The following SEMA6D variants were observed in gnomAD, a reference collection of about 807,000 sequenced individuals.
SEMA6D encodes the protein semaphorin-6D.
In SEMA6D, 35 loss-of-function variants were observed where a neutral mutation model predicts 106.6. That is an observed-to-expected ratio of 0.33 (90% CI 0.25 to 0.44). SEMA6D has a LOEUF of 0.44. SEMA6D is among the 20% of genes least tolerant of loss of function. The pLI, the probability that SEMA6D is intolerant of heterozygous loss-of-function variation, is 1.00. For missense variants in SEMA6D, 1,185 were observed against 1,345.9 expected, an observed-to-expected ratio of 0.88 and a Z score of 1.87; for synonymous variants, 499 against 487.7, an observed-to-expected ratio of 1.02 and a Z score of -0.31.
intron 1 of SEMA6D, among the ~76,000 whole-genome samples, chr15:47,398,694 G>A (rs2040300397): frequency 6.6e-6 from 1 of 152,186 alleles, no homozygotes; most frequent in South Asian, 2.1e-4. Context: ...AAAAGTAGGA[G>A]AAAGGAAGTG....
chr15:47,717,355 C>G (rs1419056829), upstream of SEMA6D: 1 of 151,980 alleles, frequency 6.6e-6, no homozygotes, highest in Non-Finnish European at 1.5e-5. Flanking sequence ...GCCGGCCGCG[C>G]CTCCTGCCGT....
At chr15:47,678,120 A>T (rs1005821591) in intron 4 of SEMA6D, among the ~76,000 whole-genome samples, 32 of 152,292 alleles carry the variant, frequency 2.1e-4, no homozygotes, top group African/African-American at 7.7e-4. Context: ...CACCACTGGC[A>T]GAGAGAACAT....
intron 1 of SEMA6D, among the ~76,000 whole-genome samples, chr15:47,386,776 G>A (rs1221112324): frequency 6.6e-6 from 1 of 152,158 alleles, no homozygotes; most frequent in African/African-American, 2.4e-5. Flanking sequence ...TGCCAGGCAC[G>A]TTCTTATAGC....
At chr15:47,315,310 T>G (rs1452554933) in intron 1 of SEMA6D, among the ~76,000 whole-genome samples, 1 of 152,254 alleles carries the variant, frequency 6.6e-6, no homozygotes, top group East Asian at 1.9e-4. Context: ...TTATTTTGCA[T>G]GTGGATGTCC....
intron 4 of SEMA6D, among the ~76,000 whole-genome samples, chr15:47,700,855 A>G (rs2078796001): frequency 6.6e-6 from 1 of 152,242 alleles, no homozygotes; most frequent in South Asian, 2.1e-4. Context: ...AATGTAATAC[A>G]ATGGAGAAGA....
At chr15:47,215,649 A>G (rs980757808) in intron 1 of SEMA6D, among the ~76,000 whole-genome samples, 9 of 152,168 alleles carry the variant, frequency 5.9e-5, no homozygotes, top group African/African-American at 2.2e-4. Flanking sequence ...GGAGATGCAT[A>G]TATATGTATA....
intron 1 of SEMA6D, among the ~76,000 whole-genome samples, chr15:47,218,163 C>G (rs888561392): frequency 2.6e-5 from 4 of 152,058 alleles, no homozygotes; most frequent in Non-Finnish European, 1.5e-5. Flanking sequence ...GAAGGAAATG[C>G]CTGTTTCAGA....
chr15:47,534,326 G>A (rs368416738), intron 3 of SEMA6D, among the ~76,000 whole-genome samples: 1 of 152,028 alleles, frequency 6.6e-6, no homozygotes, highest in Admixed American at 6.6e-5. Flanking sequence ...TAGTAGCTGG[G>A]ATTACAGGCG....
At chr15:47,638,671 G>T (rs1240087838) in intron 4 of SEMA6D, among the ~76,000 whole-genome samples, 1 of 152,172 alleles carries the variant, frequency 6.6e-6, no homozygotes, top group Non-Finnish European at 1.5e-5. Context: ...ATTAAAATCT[G>T]CTAAATACAA....
chr15:47,484,345 T>C (rs2043234034), intron 3 of SEMA6D, among the ~76,000 whole-genome samples: 1 of 152,144 alleles, frequency 6.6e-6, no homozygotes, highest in African/African-American at 2.4e-5. Context: ...TAAATATCCC[T>C]GCCTCACCAA....
At chr15:47,631,550 G>A (rs1169734572) in intron 4 of SEMA6D, among the ~76,000 whole-genome samples, 2 of 151,780 alleles carry the variant, frequency 1.3e-5, no homozygotes, top group Non-Finnish European at 3.0e-5. Context: ...CTATAGAGGT[G>A]GACCATAAAT....
chr15:47,410,152 A>T (rs1367831960), intron 1 of SEMA6D, among the ~76,000 whole-genome samples: 1 of 147,958 alleles, frequency 6.8e-6, no homozygotes. Context: ...TTGTTTTTGT[A>T]TTTTTTTTTT....
Position 47,759,730 on chromosome 15 carries a change from GCTT to G in SEMA6D, c.-54-12_-54-10del, listed in dbSNP as rs1033404070. 4.5e-6 allele frequency: 5 copies of G among 1,111,470 alleles called. No individual in the cohort carries two copies. The highest frequency in any genetic ancestry group is 6.9e-6 in the Non-Finnish European group (5 of 723,412). 68.9% of individuals were successfully genotyped at this position (1,111,470 alleles called of 1,614,324 possible). A position where few individuals can be genotyped will look rare whatever the true frequency, so the allele number is the denominator to read the frequency against. On this transcript the variant is annotated splice_polypyrimidine_tract_variant and intron_variant, in intron 1 of 18. Coordinates refer to ENST00000536845, the MANE Select transcript of SEMA6D (RefSeq NM_001358351.3). ...TGCAGCATAGAGATCTTTCCAAACT[GCTT>G]CTGTTTTCCAGGTAGCTCAGTGGCA...
chr15:47,307,505 C>A (rs562434129), intron 1 of SEMA6D, among the ~76,000 whole-genome samples: 3 of 152,082 alleles, frequency 2.0e-5, no homozygotes, highest in Non-Finnish European at 4.4e-5. Flanking sequence ...ATTTTCTCAG[C>A]CCAATTAACA....
At chr15:47,696,968 A>G (rs1227472542) in intron 4 of SEMA6D, among the ~76,000 whole-genome samples, 2 of 152,164 alleles carry the variant, frequency 1.3e-5, no homozygotes, top group African/African-American at 2.4e-5. Flanking sequence ...TGTCATCTTC[A>G]TTATAATCAT....
intron 4 of SEMA6D, among the ~76,000 whole-genome samples, chr15:47,671,238 C>G (rs944998392): frequency 6.6e-6 from 1 of 152,126 alleles, no homozygotes; most frequent in Non-Finnish European, 1.5e-5. Context: ...TTGTTTGTCA[C>G]TATGCTGGGC....
intron 4 of SEMA6D, among the ~76,000 whole-genome samples, chr15:47,627,695 G>A (rs2077226544): frequency 2.0e-5 from 3 of 152,062 alleles, no homozygotes; most frequent in Admixed American, 6.6e-5. Context: ...GATATCTCCT[G>A]TACACTTTAC....
chr15:47,652,410 A>C (rs1396802976), intron 4 of SEMA6D, among the ~76,000 whole-genome samples: 1 of 152,134 alleles, frequency 6.6e-6, no homozygotes, highest in African/African-American at 2.4e-5. Flanking sequence ...GATTAGCAGG[A>C]ATAGGACTTT....
intron 1 of SEMA6D, among the ~76,000 whole-genome samples, chr15:47,381,517 G>T (rs2039640721): frequency 6.6e-6 from 1 of 152,074 alleles, no homozygotes; most frequent in Non-Finnish European, 1.5e-5. Flanking sequence ...GTGGCCCTGG[G>T]GATATTCCAA....
Sources: allele counts gnomAD v4.1 joint callset (sites outside exome capture counted in the v4.1 genomes callset), GRCh38; gene constraint gnomAD v4.1.1; transcripts MANE v1.5; gene names NCBI Gene and HGNC (gene_info 2026-07-23, HGNC 2026-07-21).